The following FBXL7 variants were observed in gnomAD, a reference collection of about 807,000 sequenced individuals.
FBXL7 encodes F-box/LRR-repeat protein 7.
A neutral mutation model predicts 38.3 loss-of-function variants in FBXL7; 12 were observed. That is an observed-to-expected ratio of 0.31 (90% CI 0.20 to 0.51). FBXL7 has a LOEUF of 0.51. Among genes scored for constraint, FBXL7 ranks in the 20% least tolerant of loss-of-function variants. The pLI is 0.98. For missense variants in FBXL7, 567 were observed against 676.4 expected (o/e 0.84, Z 1.79); for synonymous variants, 297 against 300.9 (o/e 0.99, Z 0.13).
chr5:15,742,700 T>G lies in FBXL7; in HGVS notation c.127+126628T>G, dbSNP rs535595389. ...AAGCAATTCCTTTCAATCTTATATA[T>G]GCTATTATATTGAATTTTCCATAAA... On this transcript the variant is annotated intron_variant, in intron 2 of 3. Transcript: ENST00000504595. 1.2e-4 allele frequency among the ~76,000 whole-genome samples: 18 copies of G among 152,304 alleles called. No individual in the cohort carries two copies. In the South Asian group the frequency reaches 3.7e-3, roughly 32 times the overall value.
At chr5:15,541,441 GTGTATATATATATA>G (rs1737745728) in intron 1 of FBXL7, among the ~76,000 whole-genome samples, 1 of 53,370 alleles carries the variant, frequency 1.9e-5, no homozygotes, top group African/African-American at 6.4e-5. Context: ...ATGTGTGTGT[GTGTATATATATATA>G]TATATATATA....
At chr5:15,849,304 G>A (rs894456012) in intron 2 of FBXL7, among the ~76,000 whole-genome samples, 2 of 152,128 alleles carry the variant, frequency 1.3e-5, no homozygotes, top group Non-Finnish European at 2.9e-5. Context: ...CTCTAGGAGA[G>A]GCTAATAGTC....
At chr5:15,762,063 A>G (rs1412257017) in intron 2 of FBXL7, among the ~76,000 whole-genome samples, 3 of 152,280 alleles carry the variant, frequency 2.0e-5, no homozygotes, top group African/African-American at 7.2e-5. Flanking sequence ...CCTCAGCTTC[A>G]GGGTCTTAAG....
intron 2 of FBXL7, among the ~76,000 whole-genome samples, chr5:15,682,228 A>G (rs965876836): frequency 1.3e-5 from 2 of 152,222 alleles, no homozygotes; most frequent in African/African-American, 4.8e-5. Flanking sequence ...CAGAATAAGA[A>G]GAGATACTGT....
At chr5:15,699,046 T>C (rs1174398923) in intron 2 of FBXL7, among the ~76,000 whole-genome samples, 1 of 152,128 alleles carries the variant, frequency 6.6e-6, no homozygotes, top group Non-Finnish European at 1.5e-5. Context: ...CTTTGTGAGG[T>C]AGTTGTCTTC....
intron 2 of FBXL7, among the ~76,000 whole-genome samples, chr5:15,773,778 A>G (rs1038217257): frequency 6.6e-6 from 1 of 152,250 alleles, no homozygotes; most frequent in African/African-American, 2.4e-5. Flanking sequence ...ATATAAATGA[A>G]GTGTGTGGTT....
At chr5:15,512,177 A>G (rs1472767766) in intron 1 of FBXL7, among the ~76,000 whole-genome samples, 1 of 152,170 alleles carries the variant, frequency 6.6e-6, no homozygotes, top group Non-Finnish European at 1.5e-5. Flanking sequence ...GGTCTTTGGA[A>G]GTGTTTAGGT....
In FBXL7 at chr5:15,500,638, T is replaced by C. The variant is rs1255444694; in HGVS notation, c.-39T>C. 8.7e-6 allele frequency: 14 copies of C among 1,613,388 alleles called. No homozygotes were observed. The highest frequency in any genetic ancestry group is 1.1e-5 in the Non-Finnish European group (13 of 1,179,570). Reference sequence around the variant, plus strand: ...GCGCGCAGGACGTGCGCCGCAGCTATGGAGTGTCCCGGGAGACGGCGGGCA... The same window carrying C: ...GCGCGCAGGACGTGCGCCGCAGCTACGGAGTGTCCCGGGAGACGGCGGGCA... On this transcript the variant is annotated 5_prime_UTR_variant, in exon 1 of 4. The change abolishes an upstream ATG in the 5' untranslated region. Transcript: ENST00000504595.
chr5:15,621,484 A>G (rs1740639692), intron 2 of FBXL7, among the ~76,000 whole-genome samples: 1 of 152,188 alleles, frequency 6.6e-6, no homozygotes, highest in South Asian at 2.1e-4. Context: ...TTCAGTTATG[A>G]AAGTCACATC....
intron 2 of FBXL7, among the ~76,000 whole-genome samples, chr5:15,763,788 C>T (rs1736514912): frequency 6.6e-6 from 1 of 151,950 alleles, no homozygotes; most frequent in Non-Finnish European, 1.5e-5. Flanking sequence ...GAGAAAGAAC[C>T]AATAAAAAAC....
At chr5:15,849,675 T>G (rs1354380426) in intron 2 of FBXL7, among the ~76,000 whole-genome samples, 1 of 152,214 alleles carries the variant, frequency 6.6e-6, no homozygotes, top group Non-Finnish European at 1.5e-5. Flanking sequence ...TTACCCAGTC[T>G]CAGGTGTGTC....
At chr5:15,804,939 T>C (rs547375009) in intron 2 of FBXL7, among the ~76,000 whole-genome samples, 26 of 152,238 alleles carry the variant, frequency 1.7e-4, no homozygotes, top group South Asian at 4.1e-4. Flanking sequence ...CAGAAATATG[T>C]TTTCTCACAG....
intron 1 of FBXL7, among the ~76,000 whole-genome samples, chr5:15,594,374 G>A (rs992173746): frequency 1.3e-5 from 2 of 152,202 alleles, no homozygotes; most frequent in Non-Finnish European, 2.9e-5. Context: ...CTGATCTTGG[G>A]CGGTCCACGC....
intron 1 of FBXL7, 67 bp from the exon 2 acceptor site, chr5:15,615,916 G>A (rs987505790): frequency 9.0e-6 from 9 of 1,003,060 alleles, no homozygotes; most frequent in South Asian, 5.5e-5. Flanking sequence ...CTGTGGGACC[G>A]AGTGGAAGGC....
chr5:15,520,158 C>G (rs1737059220), intron 1 of FBXL7, among the ~76,000 whole-genome samples: 1 of 152,114 alleles, frequency 6.6e-6, no homozygotes, highest in African/African-American at 2.4e-5. Context: ...TTGTGGCCAT[C>G]TTGGTTTTGG....
intron 2 of FBXL7, among the ~76,000 whole-genome samples, chr5:15,771,952 G>T (rs1044199345): frequency 6.6e-6 from 1 of 151,542 alleles, no homozygotes; most frequent in Admixed American, 6.6e-5. Context: ...ATTTTTTTTA[G>T]TAGAGACGAA....
At chr5:15,859,121 GA>G (rs1355247503) in intron 2 of FBXL7, among the ~76,000 whole-genome samples, 1 of 152,116 alleles carries the variant, frequency 6.6e-6, no homozygotes, top group Non-Finnish European at 1.5e-5. Context: ...TGAAGTAGAT[GA>G]TGCAGTGATT....
chr5:15,818,455 ATCCT>A (rs911440906), intron 2 of FBXL7, among the ~76,000 whole-genome samples: 1 of 136,910 alleles, frequency 7.3e-6, no homozygotes, highest in Non-Finnish European at 1.6e-5. Context: ...AGCCAAATGA[ATCCT>A]TTCTTTTAAA....
intron 1 of FBXL7, among the ~76,000 whole-genome samples, chr5:15,536,385 A>G (rs1396173029): frequency 2.0e-5 from 3 of 152,218 alleles, no homozygotes; most frequent in Non-Finnish European, 4.4e-5. Flanking sequence ...GCAAGCACTC[A>G]ATGCCAGCCC....
Sources: gnomAD v4.1 joint callset for allele counts (sites outside exome capture counted in the v4.1 genomes callset) on GRCh38, gnomAD v4.1.1 for gene constraint, MANE v1.5 for transcripts, NCBI Gene and HGNC (gene_info 2026-07-23, HGNC 2026-07-21) for gene names.